ATP10B: variants seen among roughly 807,000 people sequenced by gnomAD.
ATP10B encodes the protein phospholipid-transporting ATPase VB.
A neutral mutation model predicts 141.2 loss-of-function variants in ATP10B; 122 were observed. The ratio of observed to expected loss-of-function variants is 0.86; its 90% CI spans 0.75 to 1.00. ATP10B has a LOEUF of 1.00. Among genes scored for constraint, ATP10B ranks in the 50% least tolerant of loss-of-function variants. The pLI is 0.00. For missense variants in ATP10B, 1,876 were observed against 1,825.3 expected (o/e 1.03, Z -0.51); for synonymous variants, 685 against 692.0 (o/e 0.99, Z 0.16).
intron 1 of ATP10B, among the ~76,000 whole-genome samples, chr5:160,797,545 A>T (rs1227401258): frequency 1.3e-5 from 2 of 152,210 alleles, no homozygotes; most frequent in Non-Finnish European, 2.9e-5. Flanking sequence ...TATTTTATAT[A>T]TTCCATGTTC....
At chr5:160,895,546 C>A in the ATP10B span, among the ~76,000 whole-genome samples, 5 of 152,232 alleles carry the variant, frequency 3.3e-5, no homozygotes, top group Middle Eastern at 3.4e-3. Context: ...AAGATTCATA[C>A]AGCAAGTTCT....
intron 24 of ATP10B, among the ~76,000 whole-genome samples, chr5:160,571,070 T>C (rs989449290): frequency 1.3e-5 from 2 of 152,202 alleles, no homozygotes; most frequent in Non-Finnish European, 2.9e-5. Context: ...TCTTTTTATT[T>C]ATCTTGCTTG....
intron 24 of ATP10B, among the ~76,000 whole-genome samples, chr5:160,578,783 T>C (rs2127599670): frequency 6.6e-6 from 1 of 152,358 alleles, no homozygotes; most frequent in East Asian, 1.9e-4. Context: ...TCCACAATGG[T>C]TGAACTAATT....
chr5:160,705,255 G>A (rs577121325), intron 3 of ATP10B, among the ~76,000 whole-genome samples: 4 of 152,028 alleles, frequency 2.6e-5, no homozygotes, highest in African/African-American at 7.2e-5. Flanking sequence ...TTGCTCTGTT[G>A]TCCAGGCATG....
chr5:160,814,040 G>T (rs1773387675), intron 1 of ATP10B, among the ~76,000 whole-genome samples: 1 of 152,178 alleles, frequency 6.6e-6, no homozygotes. Context: ...GTAAAAAACA[G>T]AGCAGAAAAA....
chr5:160,696,474 T>C (rs974879390), intron 3 of ATP10B, among the ~76,000 whole-genome samples: 29 of 152,260 alleles, frequency 1.9e-4, no homozygotes, highest in African/African-American at 6.7e-4. Flanking sequence ...GGTTTGACAG[T>C]ATTGATATGT....
chr5:160,929,189 C>A, the ATP10B span, among the ~76,000 whole-genome samples: 1 of 152,194 alleles, frequency 6.6e-6, no homozygotes, highest in African/African-American at 2.4e-5. Context: ...AGAAAAATCA[C>A]CCCCAAGCCT....
chr5:160,879,469 T>C, the ATP10B span, among the ~76,000 whole-genome samples: 1 of 138,648 alleles, frequency 7.2e-6, no homozygotes, highest in African/African-American at 2.7e-5. Context: ...CGCACCAGCA[T>C]GGCACATGTA....
At chr5:160,616,677 T>G (rs983390801) in intron 16 of ATP10B, among the ~76,000 whole-genome samples, 1 of 152,224 alleles carries the variant, frequency 6.6e-6, no homozygotes, top group Admixed American at 6.5e-5. Flanking sequence ...TGGTGTCTTA[T>G]AGCAATGAAA....
At chr5:160,643,670 CCT>C (rs1760052214) in intron 9 of ATP10B, among the ~76,000 whole-genome samples, 1 of 152,154 alleles carries the variant, frequency 6.6e-6, no homozygotes, top group Admixed American at 6.5e-5. Flanking sequence ...CCCACTGAGC[CCT>C]CTCTTTGCTA....
intron 1 of ATP10B, among the ~76,000 whole-genome samples, chr5:160,814,442 G>A (rs566032843): frequency 6.6e-6 from 1 of 152,094 alleles, no homozygotes; most frequent in African/African-American, 2.4e-5. Flanking sequence ...AGAAAAAAGA[G>A]TAAAAAGAAA....
chr5:160,602,818 C>T (rs781756349), intron 20 of ATP10B, 116 bp from the exon 21 acceptor site: 8 of 1,426,180 alleles, frequency 5.6e-6, no homozygotes, highest in South Asian at 1.3e-5. Context: ...CCTAAAGACC[C>T]CTTGTTGTGG....
chr5:160,666,847 G>A (rs1009803180), intron 7 of ATP10B, among the ~76,000 whole-genome samples: 4 of 152,170 alleles, frequency 2.6e-5, no homozygotes, highest in Admixed American at 6.5e-5. Flanking sequence ...ATAAATGTGT[G>A]CTTTCAAGTA....
chr5:160,790,765 G>A (rs977106671), intron 1 of ATP10B, among the ~76,000 whole-genome samples: 16 of 152,076 alleles, frequency 1.1e-4, no homozygotes, highest in African/African-American at 2.7e-4. Context: ...CCCCAGACCT[G>A]GGGAATATGT....
chr5:160,610,514 A>G (rs1054693163), intron 18 of ATP10B, among the ~76,000 whole-genome samples: 1 of 152,180 alleles, frequency 6.6e-6, no homozygotes, highest in South Asian at 2.1e-4. Flanking sequence ...ACCATAAGAT[A>G]ATAAATGTCT....
At chr5:160,803,352 T>C (rs1447200631) in intron 1 of ATP10B, among the ~76,000 whole-genome samples, 1 of 152,152 alleles carries the variant, frequency 6.6e-6, no homozygotes, top group Non-Finnish European at 1.5e-5. Flanking sequence ...CATTGTAACC[T>C]ACTTTTTAGA....
the ATP10B span, among the ~76,000 whole-genome samples, chr5:160,868,192 C>T: frequency 1.4e-4 from 21 of 152,214 alleles, no homozygotes; most frequent in East Asian, 2.1e-3. Flanking sequence ...TATGATGTGG[C>T]GTAGCAGCTA....
the ATP10B span, among the ~76,000 whole-genome samples, chr5:160,879,537 TAAAA>T: frequency 7.4e-6 from 1 of 134,884 alleles, no homozygotes; most frequent in Non-Finnish European, 1.6e-5. Context: ...AAAGTAAAAT[TAAAA>T]AAAAAAAAAA....
intron 1 of ATP10B, among the ~76,000 whole-genome samples, chr5:160,803,387 G>T (rs1364741982): frequency 6.6e-6 from 1 of 152,154 alleles, no homozygotes; most frequent in South Asian, 2.1e-4. Flanking sequence ...CATAGGAAGA[G>T]GCTACTTGGG....
Sources: allele counts gnomAD v4.1 joint callset (sites outside exome capture counted in the v4.1 genomes callset), GRCh38; gene constraint gnomAD v4.1.1; transcripts MANE v1.5; gene names NCBI Gene and HGNC (gene_info 2026-07-23, HGNC 2026-07-21).